TMEM59: variants seen among roughly 807,000 people sequenced by gnomAD.
TMEM59 encodes transmembrane protein 59.
A neutral mutation model predicts 42.2 loss-of-function variants in TMEM59; 44 were observed. The observed-to-expected ratio is 1.04, with a 90% CI of 0.82 to 1.34. The LOEUF is 1.34. Among genes scored for constraint, TMEM59 ranks in the 40% most tolerant of loss-of-function variants. The probability of loss-of-function intolerance (pLI) is 0.00; values close to 1 mark genes in which losing one functional copy is unlikely to be tolerated. For synonymous variants in TMEM59, 148 were observed against 145.8 expected (o/e 1.02, Z -0.11); for missense variants, 359 against 382.8 (o/e 0.94, Z 0.52).
intron 6 of TMEM59, among the ~76,000 whole-genome samples, chr1:54,037,244 A>T (rs1173122865): frequency 6.6e-6 from 1 of 152,246 alleles, no homozygotes; most frequent in African/African-American, 2.4e-5. Flanking sequence ...ACTTCAATTT[A>T]AAAAAGCACA....
At chr1:54,032,670 G>T (rs1656801963) in intron 7 of TMEM59, among the ~76,000 whole-genome samples, 1 of 152,186 alleles carries the variant, frequency 6.6e-6, no homozygotes, top group South Asian at 2.1e-4. Flanking sequence ...AACATGTATG[G>T]AAAATGATAG....
intron 6 of TMEM59, among the ~76,000 whole-genome samples, chr1:54,038,056 T>A (rs12095340): frequency 0.091 from 13,809 of 152,150 alleles, 1,446 homozygotes; most frequent in African/African-American, 0.26. Context: ...CCAGACCTCA[T>A]AATTTCTTCC....
At chr1:54,050,569 T>TC (rs1307541522) in intron 1 of TMEM59, among the ~76,000 whole-genome samples, 2 of 147,758 alleles carry the variant, frequency 1.4e-5, no homozygotes, top group African/African-American at 5.0e-5. Context: ...TATGTTTCTT[T>TC]TTTTTTTTTT....
In TMEM59 at chr1:54,027,921, C is replaced by T. The variant is rs908005387; in HGVS notation, c.*4229G>A. On this transcript the variant is annotated 3_prime_UTR_variant, in exon 8 of 8. Coordinates refer to ENST00000234831, the MANE Select transcript of TMEM59 (RefSeq NM_004872.5). ...TTCCTAAACAGAAGACTAAATTTCC[C>T]GCTATCCCTGTCTTTACCACTGTAC... is the stretch of plus-strand genomic sequence containing the variant. The T allele has an allele frequency of 6.6e-6, 1 of 152,212 alleles. No homozygotes were observed. The highest frequency in any genetic ancestry group is 6.5e-5 in the Admixed American group (1 of 15,268). The allele number at this position is 152,212 out of a possible 1,614,324, so 9.4% of individuals were successfully genotyped here. A position where few individuals can be genotyped will look rare whatever the true frequency, so the allele number is the denominator to read the frequency against.
At chr1:54,042,223 T>C (rs1319629850) in intron 4 of TMEM59, among the ~76,000 whole-genome samples, 1 of 152,198 alleles carries the variant, frequency 6.6e-6, no homozygotes, top group African/African-American at 2.4e-5. Context: ...ATATGAAACA[T>C]TATATTCTTC....
intron 1 of TMEM59, among the ~76,000 whole-genome samples, chr1:54,051,380 T>C (rs1181395072): frequency 6.6e-6 from 1 of 152,212 alleles, no homozygotes; most frequent in African/African-American, 2.4e-5. Context: ...GTGGAGTCTA[T>C]ATAAATTTCA....
At chr1:54,048,660 A>G (rs1428490970) in intron 1 of TMEM59, 2 of 453,602 alleles carry the variant, frequency 4.4e-6, no homozygotes, top group Non-Finnish European at 9.1e-6. Flanking sequence ...TATGTGATCC[A>G]CTGTGTACAA....
chr1:54,051,230 A>G (rs901389659), intron 1 of TMEM59, among the ~76,000 whole-genome samples: 1 of 152,120 alleles, frequency 6.6e-6, no homozygotes, highest in African/African-American at 2.4e-5. Flanking sequence ...CTGCTCCACT[A>G]TTTCTTGGGT....
At position 54,047,446 on chromosome 1, in the gene TMEM59, A is replaced by T. The variant is rs759617181; in HGVS notation, c.190-74T>A. Reference sequence around the variant, plus strand: ...TTCCTCAGGGGAAAACAGGTTAGGAAGAAAGCAGTTAGTAAAGTTTATTAC... The same window carrying T: ...TTCCTCAGGGGAAAACAGGTTAGGATGAAAGCAGTTAGTAAAGTTTATTAC... On this transcript the variant is annotated intron_variant, in intron 1 of 7. Coordinates refer to ENST00000234831, the MANE Select transcript of TMEM59 (RefSeq NM_004872.5). 7.1e-5 allele frequency: 86 copies of T among 1,203,040 alleles called. 1 individual carries two copies. The highest frequency in any genetic ancestry group is 1.0e-4 in the Non-Finnish European group (83 of 834,054). The allele number at this position is 1,203,040 out of a possible 1,614,324, so 74.5% of individuals were successfully genotyped here. A position where few individuals can be genotyped will look rare whatever the true frequency, so the allele number is the denominator to read the frequency against.
At chr1:54,035,764 C>A (rs914972773) in intron 7 of TMEM59, among the ~76,000 whole-genome samples, 1 of 152,060 alleles carries the variant, frequency 6.6e-6, no homozygotes, top group African/African-American at 2.4e-5. Context: ...GGGCACGCAC[C>A]ACCATACCCA....
intron 7 of TMEM59, chr1:54,033,306 A>G (rs1009804487): frequency 6.6e-6 from 1 of 152,080 alleles, no homozygotes; most frequent in African/African-American, 2.4e-5. Flanking sequence ...AGTCTCCACT[A>G]AGAAACGGCA....
At chr1:54,037,373 A>G (rs79935281) in intron 6 of TMEM59, among the ~76,000 whole-genome samples, 2 of 152,148 alleles carry the variant, frequency 1.3e-5, no homozygotes, top group African/African-American at 4.8e-5. Flanking sequence ...GCAATTAGAG[A>G]TTTTTTATTT....
At chr1:54,053,418 C>T (rs1657656092), upstream of TMEM59, 1 of 560,484 alleles carries the variant, frequency 1.8e-6, no homozygotes, top group Non-Finnish European at 3.1e-6. Context: ...CCATCGCAAG[C>T]GTTAGCGCGA....
intron 2 of TMEM59, 86 bp from the exon 3 acceptor site, chr1:54,045,872 T>C (rs556927563): frequency 1.2e-5 from 14 of 1,206,288 alleles, no homozygotes; most frequent in African/African-American, 4.6e-5. Context: ...ATTAAAAAAA[T>C]TTTTATACTT....
intron 1 of TMEM59, among the ~76,000 whole-genome samples, chr1:54,051,821 T>A (rs185302943): frequency 1.2e-3 from 186 of 152,296 alleles, no homozygotes; most frequent in Admixed American, 0.011. Flanking sequence ...TCTGGAAAAA[T>A]TTAGTACAGT....
At chr1:54,048,367 T>C (rs1657413490) in intron 1 of TMEM59, among the ~76,000 whole-genome samples, 1 of 152,234 alleles carries the variant, frequency 6.6e-6, no homozygotes, top group African/African-American at 2.4e-5. Context: ...GAACAGCCAT[T>C]ATCTCCAAAT....
intron 3 of TMEM59, 46 bp downstream of exon 3, chr1:54,045,646 A>T: frequency 6.4e-7 from 1 of 1,556,844 alleles, no homozygotes; most frequent in Non-Finnish European, 8.9e-7. Context: ...AATACAAGTC[A>T]GTGCCATCTA....
chr1:54,052,912 A>C (rs928627278), intron 1 of TMEM59, 88 bp downstream of exon 1: 8 of 1,448,514 alleles, frequency 5.5e-6, no homozygotes, highest in Non-Finnish European at 3.8e-6. Context: ...CCGATTTAAC[A>C]GCCAGGTTGC....
At chr1:54,036,957 T>C (rs766183159) in intron 6 of TMEM59, among the ~76,000 whole-genome samples, 21 of 152,222 alleles carry the variant, frequency 1.4e-4, no homozygotes, top group Non-Finnish European at 2.5e-4. Flanking sequence ...TATATCACTT[T>C]TGTAATAATA....
Sources: allele counts gnomAD v4.1 joint callset (sites outside exome capture counted in the v4.1 genomes callset), GRCh38; gene constraint gnomAD v4.1.1; transcripts MANE v1.5; gene names NCBI Gene and HGNC (gene_info 2026-07-23, HGNC 2026-07-21).